RBFOX1: variants seen among roughly 807,000 people sequenced by gnomAD.
RBFOX1 encodes RNA binding fox-1 homolog 1.
RBFOX1 carries 8 observed loss-of-function variants against 57.7 expected under a neutral mutation model. The observed-to-expected ratio is 0.14, with a 90% CI of 0.08 to 0.25. RBFOX1 has a LOEUF of 0.25. Ranked by LOEUF, RBFOX1 falls within the 10% of genes least tolerant of loss-of-function variation. RBFOX1 has a pLI of 1.00. For synonymous variants in RBFOX1, 326 were observed against 222.4 expected, an observed-to-expected ratio of 1.47 and a Z score of -4.15; for missense variants, 611 against 548.5, an observed-to-expected ratio of 1.11 and a Z score of -1.14.
chr16:6,961,047 G>C (rs1281976854), intron 3 of RBFOX1, among the ~76,000 whole-genome samples: 1 of 151,704 alleles, frequency 6.6e-6, no homozygotes, highest in African/African-American at 2.4e-5. Context: ...GGAGGCTGAG[G>C]CAGGAGAATC....
chr16:5,578,349 G>T (rs1434417096), intron 2 of RBFOX1, among the ~76,000 whole-genome samples: 1 of 152,082 alleles, frequency 6.6e-6, no homozygotes, highest in African/African-American at 2.4e-5. Flanking sequence ...TTACTTGTTG[G>T]GTGGGGTATG....
chr16:7,175,374 C>T (rs563561918), intron 4 of RBFOX1, among the ~76,000 whole-genome samples: 8 of 152,208 alleles, frequency 5.3e-5, no homozygotes, highest in Admixed American at 1.3e-4. Context: ...TACATTACTA[C>T]CTATAATTTC....
rs59976889 is a variant in RBFOX1 at position 6,676,143 on chromosome 16, C to T, written c.-16+21493C>T. 7.7e-3 allele frequency among the ~76,000 whole-genome samples: 4 copies of T among 518 alleles called. No homozygotes were observed. In the South Asian group the frequency reaches 0.17, roughly 22 times the overall value. The allele number at this position is 518 out of a possible 152,430, so 0.3% of individuals were successfully genotyped here. On this transcript the variant is annotated intron_variant, in intron 3 of 15. Transcript: ENST00000550418. ...TGCCTAGGGGACACACACACACGCG[C>T]ACACACACACACACACACACACACA...
chr16:6,994,414 C>T (rs116241692), intron 3 of RBFOX1, among the ~76,000 whole-genome samples: 1 of 152,306 alleles, frequency 6.6e-6, no homozygotes, highest in African/African-American at 2.4e-5. Flanking sequence ...GGCAATGCTT[C>T]AGGCACCCAA....
intron 3 of RBFOX1, among the ~76,000 whole-genome samples, chr16:7,023,089 G>T (rs2039788917): frequency 6.6e-6 from 1 of 152,158 alleles, no homozygotes; most frequent in South Asian, 2.1e-4. Context: ...AGCCCAGCCA[G>T]TGCAAAGGCA....
intron 4 of RBFOX1, among the ~76,000 whole-genome samples, chr16:5,954,413 C>T (rs190028590): frequency 7.9e-5 from 12 of 152,092 alleles, no homozygotes; most frequent in South Asian, 2.1e-4. Context: ...CTGCTGAGAA[C>T]GAAGCATTAA....
chr16:7,328,740 G>C lies in RBFOX1; in HGVS notation c.28-189407G>C, dbSNP rs138945294. 3.3e-5 allele frequency: 5 copies of C among 152,052 alleles called. No individual in the cohort carries two copies. The East Asian group carries it at 9.7e-4, about 30-fold the overall frequency. 9.4% of individuals were successfully genotyped at this position (152,052 alleles called of 1,614,324 possible). A position where few individuals can be genotyped will look rare whatever the true frequency, so the allele number is the denominator to read the frequency against. On this transcript the variant is annotated intron_variant, in intron 4 of 15. Coordinates refer to ENST00000550418, the MANE Select transcript of RBFOX1 (RefSeq NM_018723.4). ...GGCACAGGGAAAATGAGCAGAACTG[G>C]CACCAAGGAAGCATTAGGAGAGAGA... is the stretch of plus-strand genomic sequence containing the variant.
At chr16:7,568,901 A>AC (rs2092449116) in intron 5 of RBFOX1, among the ~76,000 whole-genome samples, 1 of 151,146 alleles carries the variant, frequency 6.6e-6, no homozygotes, top group African/African-American at 2.4e-5. Flanking sequence ...AAAAAAAAAA[A>AC]AAAAAGAATC....
At position 6,065,981 on chromosome 16, in the gene RBFOX1, A is replaced by G. The variant is rs148201413; in HGVS notation, c.-127+45989A>G. 9.1e-3 allele frequency among the ~76,000 whole-genome samples: 1,383 copies of G among 152,286 alleles called. 12 individuals are homozygous for G. The highest frequency in any genetic ancestry group is 0.034 in the Middle Eastern group (10 of 294). On this transcript the variant is annotated intron_variant, in intron 1 of 15. Transcript: ENST00000550418. The stretch of plus-strand genomic sequence containing the variant: ...TGCGCTAAGCATGAGATCTTGAGAT[A>G]TATTTCCGACTTCAACACTTTAATG...
intron 4 of RBFOX1, among the ~76,000 whole-genome samples, chr16:5,982,423 C>T (rs1407746202): frequency 6.6e-6 from 1 of 151,956 alleles, no homozygotes; most frequent in East Asian, 1.9e-4. Context: ...TACAGGCACC[C>T]ACCACCACAC....
chr16:6,133,432 C>G (rs1418996587), intron 1 of RBFOX1, among the ~76,000 whole-genome samples: 1 of 152,198 alleles, frequency 6.6e-6, no homozygotes, highest in Non-Finnish European at 1.5e-5. Context: ...AATGCTTCTA[C>G]CACTTACATT....
intron 4 of RBFOX1, among the ~76,000 whole-genome samples, chr16:7,286,016 C>A (rs117974514): frequency 6.6e-6 from 1 of 152,082 alleles, no homozygotes; most frequent in Non-Finnish European, 1.5e-5. Context: ...GTTTGTTTGT[C>A]TGCTTGTTTG....
chr16:5,734,935 C>T lies in RBFOX1; in HGVS notation c.319-132368C>T, dbSNP rs73523923. Among the ~76,000 whole-genome samples the T allele has an allele frequency of 6.4e-3, 975 of 152,100 alleles. 11 individuals carry two copies. Among genetic ancestry groups the T allele is most frequent in the African/African-American group, 0.022 (921 of 41,476 alleles). ...AAACACTTTCTAGCACAGGGTTTGG[C>T]ATATAGTAGATGTGCAGATAAAGTT... On this transcript the variant is annotated intron_variant, in intron 3 of 19. Coordinates refer to the RBFOX1 transcript ENST00000641259.
chr16:6,335,500 C>A (rs966835648), intron 2 of RBFOX1, among the ~76,000 whole-genome samples: 1 of 152,056 alleles, frequency 6.6e-6, no homozygotes, highest in Non-Finnish European at 1.5e-5. Flanking sequence ...AAAAATCAGG[C>A]CGGGCGCGGT....
chr16:5,693,678 A>G (rs2050763391), intron 3 of RBFOX1, among the ~76,000 whole-genome samples: 1 of 152,160 alleles, frequency 6.6e-6, no homozygotes. Flanking sequence ...TTTTGATGCC[A>G]GTTAAATTAA....
intron 1 of RBFOX1, among the ~76,000 whole-genome samples, chr16:6,180,892 A>G (rs926485984): frequency 2.6e-5 from 4 of 152,044 alleles, no homozygotes; most frequent in African/African-American, 9.7e-5. Context: ...TTCATTTCTG[A>G]AAGTTTTTAT....
chr16:5,514,764 G>T (rs2043729507), intron 2 of RBFOX1, among the ~76,000 whole-genome samples: 1 of 152,072 alleles, frequency 6.6e-6, no homozygotes. Context: ...GGAAGAGGGG[G>T]AATCAGAAGA....
intron 3 of RBFOX1, among the ~76,000 whole-genome samples, chr16:6,899,320 G>C (rs1158165167): frequency 3.3e-5 from 5 of 152,066 alleles, no homozygotes; most frequent in Admixed American, 3.3e-4. Context: ...TATGTTTCAG[G>C]GTTTCCTTGC....
intron 1 of RBFOX1, among the ~76,000 whole-genome samples, chr16:5,442,741 T>TCTCA (rs1403214959): frequency 6.6e-6 from 1 of 152,198 alleles, no homozygotes; most frequent in Non-Finnish European, 1.5e-5. Flanking sequence ...ATTTAATCTG[T>TCTCA]CTCACCGTCC....
Sources: allele counts gnomAD v4.1 joint callset (sites outside exome capture counted in the v4.1 genomes callset), GRCh38; gene constraint gnomAD v4.1.1; transcripts MANE v1.5; gene names NCBI Gene and HGNC (gene_info 2026-07-23, HGNC 2026-07-21).